AKAP6: variants seen among roughly 807,000 people sequenced by gnomAD.
The protein encoded by AKAP6 is A-kinase anchor protein 6.
AKAP6 carries 58 observed loss-of-function variants against 188.5 expected under a neutral mutation model. That is an observed-to-expected ratio of 0.31 (90% CI 0.25 to 0.38). AKAP6 has a LOEUF of 0.38. AKAP6 is among the 10% of genes least tolerant of loss of function. The probability of loss-of-function intolerance (pLI) is 1.00; values close to 1 mark genes in which losing one functional copy is unlikely to be tolerated. For missense variants in AKAP6, 2,710 were observed against 2,740.0 expected, an observed-to-expected ratio of 0.99 and a Z score of 0.24; for synonymous variants, 989 against 998.6, an observed-to-expected ratio of 0.99 and a Z score of 0.18.
At chr14:32,550,568 T>C (rs535291765) in intron 4 of AKAP6, among the ~76,000 whole-genome samples, 21 of 152,308 alleles carry the variant, frequency 1.4e-4, no homozygotes, top group African/African-American at 4.3e-4. Flanking sequence ...TCCCGCATGC[T>C]CTCCCTTACT....
intron 1 of AKAP6, among the ~76,000 whole-genome samples, chr14:32,384,265 T>C (rs1424241590): frequency 6.6e-6 from 1 of 152,190 alleles, no homozygotes; most frequent in Non-Finnish European, 1.5e-5. Flanking sequence ...CTCGGTAAAT[T>C]TTCGTGATAC....
At chr14:32,524,776 A>G (rs1263859147) in intron 2 of AKAP6, among the ~76,000 whole-genome samples, 1 of 152,188 alleles carries the variant, frequency 6.6e-6, no homozygotes, top group Non-Finnish European at 1.5e-5. Flanking sequence ...GCTTGCACGT[A>G]GTTCCCACTT....
intron 7 of AKAP6, among the ~76,000 whole-genome samples, chr14:32,674,226 C>CGTGGCCT (rs1273609734): frequency 2.6e-5 from 4 of 152,130 alleles, no homozygotes; most frequent in African/African-American, 9.7e-5. Flanking sequence ...TGGTAGGAAA[C>CGTGGCCT]GTGGCCTAAG....
At chr14:32,591,111 C>T (rs563947206) in intron 5 of AKAP6, among the ~76,000 whole-genome samples, 4 of 152,158 alleles carry the variant, frequency 2.6e-5, no homozygotes, top group Middle Eastern at 3.2e-3. Flanking sequence ...CAATCTATCA[C>T]TCTTGTGAAT....
At chr14:32,637,113 A>C (rs1887528726) in intron 7 of AKAP6, among the ~76,000 whole-genome samples, 1 of 152,146 alleles carries the variant, frequency 6.6e-6, no homozygotes, top group South Asian at 2.1e-4. Flanking sequence ...TACTATTCCT[A>C]CTGTGTACTC....
chr14:32,674,441 G>A (rs562071843), intron 7 of AKAP6, among the ~76,000 whole-genome samples: 1 of 152,262 alleles, frequency 6.6e-6, no homozygotes, highest in East Asian at 1.9e-4. Context: ...CTTGGAGTAG[G>A]CTGGAAGCAG....
rs1223103918 is a variant in AKAP6, at chr14:32,832,274, A to AAGGGCAT, written c.*2470_*2476dup. 2.6e-5 allele frequency: 4 copies of AAGGGCAT among 152,110 alleles called. No homozygotes were observed. The highest frequency in any genetic ancestry group is 9.7e-5 in the African/African-American group (4 of 41,416). 9.4% of individuals were successfully genotyped at this position (152,110 alleles called of 1,614,324 possible). ...AAATCCTAGAGTCTTTGAAATTTCT[A>AAGGGCAT]AGGGCATTCTAGACCTCTGTTGGGA... On this transcript the variant is annotated 3_prime_UTR_variant, in exon 14 of 14. Coordinates refer to ENST00000280979, the MANE Select transcript of AKAP6 (RefSeq NM_004274.5).
At chr14:32,662,483 C>T (rs999509262) in intron 7 of AKAP6, among the ~76,000 whole-genome samples, 4 of 152,116 alleles carry the variant, frequency 2.6e-5, no homozygotes, top group Admixed American at 2.6e-4. Context: ...GTTTCATGTT[C>T]TAGATTTGTC....
chr14:32,507,263 G>A (rs145594476), intron 2 of AKAP6, among the ~76,000 whole-genome samples: 218 of 152,274 alleles, frequency 1.4e-3, no homozygotes, highest in African/African-American at 4.9e-3. Context: ...AAAATTTGTA[G>A]TCTAATGTTT....
At chr14:32,366,714 G>A (rs951593779) in intron 1 of AKAP6, among the ~76,000 whole-genome samples, 6 of 152,152 alleles carry the variant, frequency 3.9e-5, no homozygotes, top group Non-Finnish European at 5.9e-5. Flanking sequence ...GTCTGTGTGT[G>A]TGTGTGTATT....
chr14:32,700,905 A>C (rs1462080086), intron 9 of AKAP6, among the ~76,000 whole-genome samples: 1 of 152,204 alleles, frequency 6.6e-6, no homozygotes, highest in African/African-American at 2.4e-5. Context: ...CATGATTTGT[A>C]CATGATTTAT....
intron 8 of AKAP6, among the ~76,000 whole-genome samples, chr14:32,694,631 A>G (rs1221877241): frequency 6.6e-6 from 1 of 152,190 alleles, no homozygotes; most frequent in Non-Finnish European, 1.5e-5. Flanking sequence ...GCCAATGTTG[A>G]TGCTTGCCCT....
At chr14:32,358,624 C>T (rs545072598) in intron 1 of AKAP6, among the ~76,000 whole-genome samples, 1 of 152,094 alleles carries the variant, frequency 6.6e-6, no homozygotes, top group East Asian at 1.9e-4. Flanking sequence ...AGCCATGATT[C>T]CAATAACACT....
chr14:32,538,730 G>A (rs1882793727), intron 3 of AKAP6, among the ~76,000 whole-genome samples: 2 of 152,068 alleles, frequency 1.3e-5, no homozygotes. Context: ...TAGGAAGGAA[G>A]GTGAGGGATA....
intron 1 of AKAP6, among the ~76,000 whole-genome samples, chr14:32,350,943 G>T (rs924332791): frequency 3.3e-5 from 5 of 152,042 alleles, no homozygotes; most frequent in Non-Finnish European, 5.9e-5. Flanking sequence ...TGTTTTCCCA[G>T]ATATTTTCTA....
intron 7 of AKAP6, among the ~76,000 whole-genome samples, chr14:32,647,456 C>T (rs1888031514): frequency 6.6e-6 from 1 of 152,064 alleles, no homozygotes; most frequent in Non-Finnish European, 1.5e-5. Context: ...CTCTCACTTT[C>T]ACTTTTTGCA....
At position 32,837,133 on chromosome 14, in the gene AKAP6, T is replaced by C. The variant is rs2140183884; in HGVS notation, c.*7328T>C. On this transcript the variant is annotated 3_prime_UTR_variant, in exon 14 of 14. Transcript: ENST00000280979. Reference sequence around the variant, plus strand: ...CCATTGCTCTTTCTCCCTTCTTTATTCATTTTATATGGGGACGTTTGACTA... The same window carrying C: ...CCATTGCTCTTTCTCCCTTCTTTATCCATTTTATATGGGGACGTTTGACTA... 1 of 152,326 alleles carries C rather than the reference T, an allele frequency of 6.6e-6. No homozygotes were observed. The highest frequency in any genetic ancestry group is 2.4e-5 in the African/African-American group (1 of 41,568). 9.4% of individuals were successfully genotyped at this position (152,326 alleles called of 1,614,324 possible).
chr14:32,671,349 T>C (rs890140716), intron 7 of AKAP6, among the ~76,000 whole-genome samples: 2 of 152,076 alleles, frequency 1.3e-5, no homozygotes, highest in African/African-American at 4.8e-5. Flanking sequence ...TGGGGTGTGT[T>C]CAAGAGAGAA....
chr14:32,791,452 T>A (rs765484688), intron 12 of AKAP6, among the ~76,000 whole-genome samples: 6 of 152,180 alleles, frequency 3.9e-5, no homozygotes, highest in Non-Finnish European at 7.4e-5. Context: ...TTTGTCCACT[T>A]TTTGATGGGG....
Sources: allele counts gnomAD v4.1 joint callset (sites outside exome capture counted in the v4.1 genomes callset), GRCh38; gene constraint gnomAD v4.1.1; transcripts MANE v1.5; gene names NCBI Gene and HGNC (gene_info 2026-07-23, HGNC 2026-07-21).